The following NDST3 variants were observed in gnomAD, a reference collection of about 807,000 sequenced individuals.
NDST3 encodes the protein bifunctional heparan sulfate N-deacetylase/N-sulfotransferase 3.
In NDST3, 58 loss-of-function variants were observed where a neutral mutation model predicts 96.1. The observed-to-expected ratio is 0.60, with a 90% CI of 0.49 to 0.75. NDST3 has a LOEUF of 0.75. Ranked by LOEUF, NDST3 falls within the 30% of genes least tolerant of loss-of-function variation. NDST3 has a pLI of 0.00. For missense variants in NDST3, 788 were observed against 1,034.2 expected (o/e 0.76, Z 3.27); for synonymous variants, 333 against 359.7 (o/e 0.93, Z 0.84).
At chr4:118,069,675 T>G (rs933568231) in intron 2 of NDST3, among the ~76,000 whole-genome samples, 15 of 152,210 alleles carry the variant, frequency 9.9e-5, no homozygotes, top group Non-Finnish European at 1.3e-4. Flanking sequence ...TAAAATTTTT[T>G]ATTTCATTCA....
At chr4:118,200,273 G>A (rs1030570973) in intron 6 of NDST3, among the ~76,000 whole-genome samples, 8 of 152,102 alleles carry the variant, frequency 5.3e-5, no homozygotes, top group Non-Finnish European at 1.2e-4. Flanking sequence ...AAGACGCAGC[G>A]CTTCCCATGC....
intron 6 of NDST3, among the ~76,000 whole-genome samples, chr4:118,186,294 G>T (rs1736953912): frequency 6.6e-6 from 1 of 152,046 alleles, no homozygotes; most frequent in South Asian, 2.1e-4. Context: ...CCTCCATTTT[G>T]ATTAACTTCT....
intron 4 of NDST3, among the ~76,000 whole-genome samples, chr4:118,115,487 G>C (rs4576085): frequency 6.6e-6 from 1 of 152,040 alleles, no homozygotes; most frequent in Admixed American, 6.5e-5. Flanking sequence ...TGAGGGAAAA[G>C]AGCAGGTAGG....
At chr4:118,177,922 G>A (rs990422034) in intron 6 of NDST3, among the ~76,000 whole-genome samples, 6 of 151,800 alleles carry the variant, frequency 4.0e-5, no homozygotes, top group African/African-American at 4.8e-5. Flanking sequence ...AATCCAGGAG[G>A]GGCTTTACTG....
intron 6 of NDST3, among the ~76,000 whole-genome samples, chr4:118,155,771 G>A (rs1734674870): frequency 6.6e-6 from 1 of 152,062 alleles, no homozygotes; most frequent in Non-Finnish European, 1.5e-5. Context: ...AGAACTTACT[G>A]TAATTACTTG....
At chr4:118,252,840 G>A (rs969967567) in intron 12 of NDST3, among the ~76,000 whole-genome samples, 4 of 152,154 alleles carry the variant, frequency 2.6e-5, no homozygotes, top group South Asian at 4.2e-4. Context: ...GCGGCGAGCC[G>A]AGATTGCGCC....
chr4:118,130,943 A>G (rs1038671507), intron 4 of NDST3, among the ~76,000 whole-genome samples: 4 of 152,140 alleles, frequency 2.6e-5, no homozygotes, highest in African/African-American at 9.7e-5. Flanking sequence ...TTTCAGATGT[A>G]TTGGAGGTCC....
chr4:118,110,276 A>C (rs964496070), intron 3 of NDST3, among the ~76,000 whole-genome samples: 3 of 152,190 alleles, frequency 2.0e-5, no homozygotes, highest in African/African-American at 7.2e-5. Context: ...TGAATGAATA[A>C]ATGCTGATCT....
At chr4:118,083,667 T>C (rs551764664) in intron 2 of NDST3, among the ~76,000 whole-genome samples, 1 of 152,264 alleles carries the variant, frequency 6.6e-6, no homozygotes, top group South Asian at 2.1e-4. Flanking sequence ...TGAAGACTTA[T>C]TATGTGTTTT....
chr4:118,253,621 A>G lies in NDST3; in HGVS notation c.2502+20A>G, dbSNP rs1741910025. The G allele has an allele frequency of 6.7e-7, 1 of 1,500,036 alleles. No homozygotes were observed. Among genetic ancestry groups the G allele is most frequent in the African/African-American group, 1.4e-5 (1 of 71,848 alleles). 92.9% of individuals were successfully genotyped at this position (1,500,036 alleles called of 1,614,324 possible). ...TCTGATGTAAGCATAGACCTTAAAA[A>G]TACAAACTAAATCAGCAAAATGGTA... On this transcript the variant is annotated intron_variant, in intron 13 of 13. Transcript: ENST00000296499.
intron 6 of NDST3, among the ~76,000 whole-genome samples, chr4:118,198,266 C>T (rs916551221): frequency 1.1e-4 from 16 of 151,960 alleles, no homozygotes; most frequent in African/African-American, 2.9e-4. Context: ...TTTCTTTTTG[C>T]GAAGGTAATT....
intron 6 of NDST3, among the ~76,000 whole-genome samples, chr4:118,187,462 G>A (rs1176027960): frequency 1.3e-5 from 2 of 151,326 alleles, no homozygotes; most frequent in Non-Finnish European, 2.9e-5. Flanking sequence ...TACCTTAAGA[G>A]GAGTGGACCA....
At chr4:118,186,572 A>G (rs1736979070) in intron 6 of NDST3, among the ~76,000 whole-genome samples, 1 of 152,162 alleles carries the variant, frequency 6.6e-6, no homozygotes, top group Non-Finnish European at 1.5e-5. Context: ...GCCTGCTTTT[A>G]TTCTGATCAC....
intron 6 of NDST3, among the ~76,000 whole-genome samples, chr4:118,164,476 G>A (rs895844858): frequency 9.9e-5 from 13 of 131,560 alleles, no homozygotes; most frequent in Non-Finnish European, 1.9e-4. Flanking sequence ...AGCTGCACGT[G>A]TAACCCTGAA....
intron 6 of NDST3, among the ~76,000 whole-genome samples, chr4:118,207,633 A>G (rs2125984398): frequency 6.9e-6 from 1 of 144,968 alleles, no homozygotes; most frequent in African/African-American, 2.5e-5. Flanking sequence ...AATTGCCTTC[A>G]CAGCTGGAAG....
chr4:118,238,965 T>C (rs555334160), intron 10 of NDST3, among the ~76,000 whole-genome samples: 1 of 152,328 alleles, frequency 6.6e-6, no homozygotes, highest in East Asian at 1.9e-4. Flanking sequence ...GTAAAGGAGT[T>C]ATCATCAGGT....
rs1269679018 is a variant in NDST3, at chr4:118,175,876, T to C, written c.1539+32192T>C. Among the ~76,000 whole-genome samples the C allele has an allele frequency of 2.0e-5, 3 of 152,232 alleles. No individual in the cohort carries two copies. In the East Asian group the frequency reaches 5.8e-4, roughly 29 times the overall value. ...GTAAATGTGTGTTCTCAGTGTGGAATTGTTCTTCCATGTTTACAATTGTTT... is the reference window on the plus strand; with the variant it reads ...GTAAATGTGTGTTCTCAGTGTGGAACTGTTCTTCCATGTTTACAATTGTTT... On this transcript the variant is annotated intron_variant, in intron 6 of 13. Transcript: ENST00000296499.
chr4:118,119,378 T>C (rs995844838), intron 4 of NDST3, among the ~76,000 whole-genome samples: 32 of 152,208 alleles, frequency 2.1e-4, no homozygotes, highest in Non-Finnish European at 4.1e-4. Context: ...AGAGAATGAA[T>C]GAATACTACC....
At chr4:118,101,551 A>G (rs1428997905) in intron 2 of NDST3, among the ~76,000 whole-genome samples, 3 of 152,118 alleles carry the variant, frequency 2.0e-5, no homozygotes, top group Non-Finnish European at 2.9e-5. Flanking sequence ...AGCATAAACA[A>G]TTATTTTCTG....
Sources: gnomAD v4.1 joint callset for allele counts (sites outside exome capture counted in the v4.1 genomes callset) on GRCh38, gnomAD v4.1.1 for gene constraint, MANE v1.5 for transcripts, NCBI Gene and HGNC (gene_info 2026-07-23, HGNC 2026-07-21) for gene names.